Variants in SRRM2 observed in about 807,000 individuals in gnomAD.
The protein encoded by SRRM2 is serine/arginine repetitive matrix 2.
SRRM2 carries 30 observed loss-of-function variants against 213.8 expected under a neutral mutation model. That is an observed-to-expected ratio of 0.14 (90% confidence interval 0.10 to 0.19). The LOEUF (loss-of-function observed/expected upper bound fraction) is 0.19. SRRM2 is among the 10% of genes least tolerant of loss of function. The probability of loss-of-function intolerance (pLI) is 1.00; values close to 1 mark genes in which losing one functional copy is unlikely to be tolerated. For synonymous variants in SRRM2, 2,025 were observed against 1,377.7 expected (o/e 1.47, Z -10.40); for missense variants, 4,904 against 3,647.0 (o/e 1.34, Z -8.88).
chr16:2,759,774 G>C, intron 9 of SRRM2, 113 bp downstream of exon 9: 1 of 920,836 alleles, frequency 1.1e-6, no homozygotes, highest in Non-Finnish European at 1.7e-6. Context: ...CGGAAGACAC[G>C]GTCCCTGCCC....
At position 2,765,456 on chromosome 16, in the gene SRRM2, A is replaced by G. The variant is rs1482901450; in HGVS notation, c.4928A>G (p.Lys1643Arg). 1 of 1,614,080 alleles carries G rather than the reference A, an allele frequency of 6.2e-7. No homozygotes were observed. The highest frequency in any genetic ancestry group is 8.5e-7 in the Non-Finnish European group (1 of 1,180,008). Residue 1643 changes from lysine (K) to arginine (R), a missense_variant, in exon 11 of 15, where the codon AAA (lysine) becomes AGA (arginine). By Grantham distance (26) the Lys-to-Arg change is conservative (BLOSUM62 2). Transcript: ENST00000301740. ...CGAAGCAGATCAGGTTCATCAAGCA[A>G]AGGCAGAGGCCCTTCTCCTGAAGGA... ...PRRSRSGSSS[K>R]GRGPSPEGSS...
intron 10 of SRRM2, among the ~76,000 whole-genome samples, chr16:2,761,220 G>A (rs1157575230): frequency 1.3e-5 from 2 of 152,118 alleles, no homozygotes; most frequent in African/African-American, 4.8e-5. Flanking sequence ...TTCTTCAAAG[G>A]TGAAGTTGCC....
Position 2,761,646 on chromosome 16 carries a change from G to A in SRRM2, c.1118G>A (p.Arg373Gln), listed in dbSNP as rs371848006. The change falls in exon 11 of 15, where the codon CGA becomes CAA. Residue 373 changes from arginine (R) to glutamine (Q), a missense_variant. Physicochemically the swap from Arg to Gln is conservative, Grantham distance 43 (BLOSUM62 1). Transcript: ENST00000301740. ...PPAPTPLLAE[R>Q]HGGSPQPLAT... ...GCTCCCACTCCGCTCCTTGCTGAGC[G>A]ACATGGCGGCTCCCCACAACCCCTT... 2.1e-5 allele frequency: 33 copies of A among 1,584,846 alleles called. No individual in the cohort carries two copies. The highest frequency in any genetic ancestry group is 2.5e-5 in the Non-Finnish European group (29 of 1,167,438).
chr16:2,769,840 C>A (rs1422391626), intron 12 of SRRM2: 1 of 466,108 alleles, frequency 2.1e-6, no homozygotes, highest in South Asian at 1.5e-5. Context: ...CTGCCCGCCC[C>A]CACACATGCC....
chr16:2,752,737 G>A lies in SRRM2; in HGVS notation c.-141G>A, dbSNP rs768723838. On this transcript the variant is annotated 5_prime_UTR_variant, in exon 1 of 15. Transcript: ENST00000301740. ...AGGAGGCGTCGGCGTCGGCTGAGGC[G>A]GGCGGACCGGCGAGGCGAGGCGGCG... 1 of 352,260 alleles carries A rather than the reference G, an allele frequency of 2.8e-6. No homozygotes were observed. The highest frequency in any genetic ancestry group is 5.6e-6 in the Non-Finnish European group (1 of 177,120). The allele number at this position is 352,260 out of a possible 1,614,324, so 21.8% of individuals were successfully genotyped here.
chr16:2,765,951 C>T lies in SRRM2; in HGVS notation c.5423C>T (p.Ser1808Leu), dbSNP rs202144562. ...SRRRQRSRSR[S>L]RVTRRRRGGS... is the part of the protein sequence containing the mutation. Reference sequence around the variant, plus strand: ...CGAAGACAGCGGAGCCGGTCAAGGTCGCGGGTTACTCGGCGGCGGAGGGGA... The same window carrying T: ...CGAAGACAGCGGAGCCGGTCAAGGTTGCGGGTTACTCGGCGGCGGAGGGGA... The change falls in exon 11 of 15, where the codon TCG becomes TTG. Residue 1808 changes from serine (S) to leucine (L), a missense_variant. Physicochemically the swap from Ser to Leu is moderately radical, Grantham distance 145 (BLOSUM62 -2). Coordinates refer to ENST00000301740, the MANE Select transcript of SRRM2 (RefSeq NM_016333.4). 146 of 1,614,064 alleles carry T rather than the reference C, an allele frequency of 9.0e-5. No individual in the cohort carries two copies. Among genetic ancestry groups the T allele is most frequent in the Non-Finnish European group, 1.2e-4 (136 of 1,180,038 alleles).
In SRRM2 at chr16:2,760,518, G is replaced by T. The variant is rs767969109; in HGVS notation, c.1032+19G>T. 1.2e-6 allele frequency: 2 copies of T among 1,613,460 alleles called. No homozygotes were observed. Among genetic ancestry groups the T allele is most frequent in the Non-Finnish European group, 1.7e-6 (2 of 1,179,538 alleles). On this transcript the variant is annotated intron_variant, in intron 10 of 14. Coordinates refer to ENST00000301740, the MANE Select transcript of SRRM2 (RefSeq NM_016333.4). ...GAAGGAGGTATGTTCCTGAGTTGGT[G>T]ATGTTCATTGGATTGCAAATGTATA...
chr16:2,758,033 TC>T lies in SRRM2; in HGVS notation c.515+91del. On this transcript the variant is annotated intron_variant, in intron 4 of 14. Coordinates refer to ENST00000301740, the MANE Select transcript of SRRM2 (RefSeq NM_016333.4). ...TTTGTCTTTTTGCGGGCTGGTTTCT[TC>T]CCAAACTCTTCAGATTTTGTTCTTC... 3.4e-6 allele frequency: 5 copies of T among 1,469,422 alleles called. No homozygotes were observed. In the South Asian group the frequency reaches 6.6e-5, roughly 19 times the overall value. 91.0% of individuals were successfully genotyped at this position (1,469,422 alleles called of 1,614,324 possible).
In SRRM2 at chr16:2,765,778, T is replaced by G; in HGVS notation, c.5250T>G (p.Ser1750=). The change falls in exon 11 of 15, where the codon TCT becomes TCG. Residue 1750 remains serine, a synonymous_variant. Transcript: ENST00000301740. ...RSSRRRRSAS[S]PRTKTTSRRG... ...CACGCCGACGGCGCTCAGCTTCATC[T>G]CCACGCACTAAGACAACCTCAAGGA... 6.2e-7 allele frequency: 1 copy of G among 1,614,068 alleles called. No homozygotes were observed. The highest frequency in any genetic ancestry group is 8.5e-7 in the Non-Finnish European group (1 of 1,180,034).
At chr16:2,757,414 A>G in intron 2 of SRRM2, 58 bp from the exon 3 acceptor site, 1 of 1,533,284 alleles carries the variant, frequency 6.5e-7, no homozygotes, top group Non-Finnish European at 9.0e-7. Context: ...GGAAATGGAA[A>G]CCTGGGACTG....
Position 2,771,324 on chromosome 16 carries a change from T to G in SRRM2, c.*457T>G. On this transcript the variant is annotated 3_prime_UTR_variant, in exon 15 of 15. Transcript: ENST00000301740. ...AGGTTGTGAACCCCTCCCCCCAACT[T>G]TTCATGTTTCTTAAAGGCATTTTGG... The G allele has an allele frequency of 7.4e-7, 1 of 1,349,824 alleles. No homozygotes were observed. Among genetic ancestry groups the G allele is most frequent in the Non-Finnish European group, 1.1e-6 (1 of 947,934 alleles). 83.6% of individuals were successfully genotyped at this position (1,349,824 alleles called of 1,614,324 possible). A position where few individuals can be genotyped will look rare whatever the true frequency, so the allele number is the denominator to read the frequency against.
chr16:2,756,339 G>C lies in SRRM2; in HGVS notation c.-26G>C. ...GTCTCCCCGCTCCCCCTCAGGAGCG[G>C]TGGTGCCCCCCCCGGGCACGGGGCC... On this transcript the variant is annotated 5_prime_UTR_variant, in exon 2 of 15. Transcript: ENST00000301740. 1 of 1,578,276 alleles carries C rather than the reference G, an allele frequency of 6.3e-7. No individual in the cohort carries two copies. The highest frequency in any genetic ancestry group is 8.6e-7 in the Non-Finnish European group (1 of 1,166,520).
rs753128718 is a variant in SRRM2, at chr16:2,762,434, C to G, written c.1906C>G (p.Arg636Gly). 4 of 1,613,968 alleles carry G rather than the reference C, an allele frequency of 2.5e-6. No homozygotes were observed. The highest frequency in any genetic ancestry group is 3.4e-6 in the Non-Finnish European group (4 of 1,179,998). ...CCGATCACCAGTACGACGCAGGTCT[C>G]GTAGTAGATCACCAGCCAGGAGAAG... ...RTRSPVRRRS[R>G]SRSPARRSGR... The change falls in exon 11 of 15, where the codon CGT (arginine) becomes GGT (glycine). Residue 636 changes from arginine to glycine, a missense_variant. By Grantham distance (125) the Arg-to-Gly change is moderately radical. Transcript: ENST00000301740.
rs752114312 is a variant in SRRM2 at position 2,760,410 on chromosome 16, A to G, written c.943A>G (p.Thr315Ala). The G allele has an allele frequency of 5.1e-5, 83 of 1,614,058 alleles. 2 individuals are homozygous for G. In the South Asian group the frequency reaches 6.0e-4, roughly 12 times the overall value. ...AGATGCGCCTTTCAGTGAACCAGGT[A>G]CTACCAGCACACAACGGCCTAGTAG... is the stretch of plus-strand genomic sequence containing the variant. Reference protein sequence around the residue: ...EGDAPFSEPGTTSTQRPSSPE... With the variant: ...EGDAPFSEPGATSTQRPSSPE... Residue 315 changes from threonine to alanine, a missense_variant, in exon 10 of 15, where the codon ACT becomes GCT. Thr to Ala is a moderately conservative substitution (Grantham distance 58). Coordinates refer to ENST00000301740, the MANE Select transcript of SRRM2 (RefSeq NM_016333.4).
chr16:2,770,593 C>A lies in SRRM2; in HGVS notation c.8136-11C>A. 1.3e-6 allele frequency: 2 copies of A among 1,553,244 alleles called. No homozygotes were observed. The highest frequency in any genetic ancestry group is 4.9e-5 in the East Asian group (2 of 41,114). On this transcript the variant is annotated splice_polypyrimidine_tract_variant and intron_variant, in intron 13 of 14. Transcript: ENST00000301740. The stretch of plus-strand genomic sequence containing the variant: ...GCCACCCTGTGGCCTGATGTCTGTC[C>A]TGTGTTGCAGCAGCAGCAGTGAGCG...
Position 2,770,909 on chromosome 16 carries a change from C to T in SRRM2, c.*42C>T, listed in dbSNP as rs555264865. On this transcript the variant is annotated 3_prime_UTR_variant, in exon 15 of 15. Transcript: ENST00000301740. ...TCCACCACACCCAATGCTCTGGAGC[C>T]ACAAGGAGTGTCCCTTCTTCCCCAG... 1.9e-6 allele frequency: 3 copies of T among 1,612,716 alleles called. No homozygotes were observed. Among genetic ancestry groups the T allele is most frequent in the African/African-American group, 1.3e-5 (1 of 75,014 alleles).
At chr16:2,754,149 T>G (rs2068052894) in intron 1 of SRRM2, among the ~76,000 whole-genome samples, 1 of 152,208 alleles carries the variant, frequency 6.6e-6, no homozygotes, top group Admixed American at 6.5e-5. Flanking sequence ...GTGGTGTTGA[T>G]CTTCCTACTT....
Position 2,764,060 on chromosome 16 carries a change from G to T in SRRM2, c.3532G>T (p.Ala1178Ser). ...MALPPQEDAT[A>S]SPPRQKDKFS... Reference sequence around the variant, plus strand: ...CTTACCCCCTCAGGAGGATGCTACTGCATCACCTCCTAGACAGAAAGACAA... The same window carrying T: ...CTTACCCCCTCAGGAGGATGCTACTTCATCACCTCCTAGACAGAAAGACAA... Residue 1178 changes from alanine (A) to serine (S), a missense_variant, in exon 11 of 15, where the codon GCA becomes TCA. By Grantham distance (99) the Ala-to-Ser change is moderately conservative. Coordinates refer to ENST00000301740, the MANE Select transcript of SRRM2 (RefSeq NM_016333.4). 6.2e-7 allele frequency: 1 copy of T among 1,614,082 alleles called. No individual in the cohort carries two copies. Among genetic ancestry groups the T allele is most frequent in the Non-Finnish European group, 8.5e-7 (1 of 1,179,990 alleles).
At chr16:2,754,098 T>TTTC (rs2068051292) in intron 1 of SRRM2, among the ~76,000 whole-genome samples, 2 of 152,152 alleles carry the variant, frequency 1.3e-5, no homozygotes, top group Non-Finnish European at 2.9e-5. Flanking sequence ...TGGCCCCCAC[T>TTTC]TTAAGAGTTT....
Sources: allele counts gnomAD v4.1 joint callset (sites outside exome capture counted in the v4.1 genomes callset), GRCh38; gene constraint gnomAD v4.1.1; transcripts MANE v1.5; gene names NCBI Gene and HGNC (gene_info 2026-07-23, HGNC 2026-07-21).